The following ZNG1E variants were observed in gnomAD, a reference collection of about 807,000 sequenced individuals.
ZNG1E encodes zinc-regulated GTPase metalloprotein activator 1E.
At chr9:65,673,938 T>C in the ZNG1E span, among the ~76,000 whole-genome samples, 1 of 152,294 alleles carries the variant, frequency 6.6e-6, no homozygotes, top group Non-Finnish European at 1.5e-5. Context: ...AGTAATGCAG[T>C]GCTGAAGGGA....
the ZNG1E span, among the ~76,000 whole-genome samples, chr9:65,716,309 C>T: frequency 3.1e-5 from 4 of 128,834 alleles, no homozygotes; most frequent in Non-Finnish European, 6.4e-5. Context: ...CATGTGTCAC[C>T]ATGCCTGACT....
At chr9:65,668,557 G>T in the ZNG1E span, among the ~76,000 whole-genome samples, 3 of 149,496 alleles carry the variant, frequency 2.0e-5, no homozygotes, top group African/African-American at 4.9e-5. Context: ...AAGAAACAAG[G>T]TCTTTCTCTC....
chr9:65,672,228 A>G, the ZNG1E span, among the ~76,000 whole-genome samples: 1 of 151,760 alleles, frequency 6.6e-6, no homozygotes, highest in African/African-American at 2.4e-5. Context: ...TGCTTAACAC[A>G]GTGCCTATCA....
the ZNG1E span, among the ~76,000 whole-genome samples, chr9:65,665,327 C>A: frequency 5.9e-5 from 9 of 152,356 alleles, no homozygotes; most frequent in Admixed American, 4.6e-4. Context: ...TACCCTGCAT[C>A]CCAGCCATGA....
chr9:65,658,657 A>G, the ZNG1E span, among the ~76,000 whole-genome samples: 3 of 149,270 alleles, frequency 2.0e-5, no homozygotes, highest in Non-Finnish European at 3.0e-5. Context: ...CCGATATATT[A>G]GTTTGCTAGA....
the ZNG1E span, among the ~76,000 whole-genome samples, chr9:65,684,421 A>C: frequency 1.3e-5 from 2 of 152,180 alleles, no homozygotes; most frequent in Non-Finnish European, 2.9e-5. Context: ...CCATAATCCC[A>C]GCTACTCAGG....
At chr9:65,663,064 T>C in the ZNG1E span, among the ~76,000 whole-genome samples, 1 of 152,240 alleles carries the variant, frequency 6.6e-6, no homozygotes, top group South Asian at 2.1e-4. Flanking sequence ...ACCAGCCAGG[T>C]AGGGCAAAGG....
chr9:65,663,062 G>C, the ZNG1E span, among the ~76,000 whole-genome samples: 3,541 of 151,738 alleles, frequency 0.023, no homozygotes, highest in African/African-American at 0.041. Flanking sequence ...ACACCAGCCA[G>C]GTAGGGCAAA....
chr9:65,687,792 C>T, the ZNG1E span, among the ~76,000 whole-genome samples: 3 of 136,500 alleles, frequency 2.2e-5, no homozygotes, highest in African/African-American at 7.4e-5. Flanking sequence ...TCCTTGAAGG[C>T]ACTTTTTTTT....
the ZNG1E span, among the ~76,000 whole-genome samples, chr9:65,717,254 A>G: frequency 3.3e-5 from 5 of 149,994 alleles, no homozygotes; most frequent in Admixed American, 2.7e-4. Context: ...ATTTTGAAAT[A>G]ACTGTTCCTC....
the ZNG1E span, among the ~76,000 whole-genome samples, chr9:65,684,918 G>A: frequency 6.6e-6 from 1 of 152,180 alleles, no homozygotes; most frequent in Non-Finnish European, 1.5e-5. Context: ...GGCCGGGTGT[G>A]ATGTGACAGG....
the ZNG1E span, among the ~76,000 whole-genome samples, chr9:65,660,129 G>A: frequency 7.8e-6 from 1 of 128,206 alleles, no homozygotes; most frequent in African/African-American, 3.3e-5. Flanking sequence ...TCTGCAGCAA[G>A]ATCCCTGAGC....
chr9:65,706,952 A>G, the ZNG1E span: 2 of 134,164 alleles, frequency 1.5e-5, 1 homozygote, highest in Admixed American at 1.5e-4. Flanking sequence ...ACAAACTTGG[A>G]GGGAAACTTC....
chr9:65,662,493 G>A, the ZNG1E span, among the ~76,000 whole-genome samples: 1 of 152,128 alleles, frequency 6.6e-6, no homozygotes, highest in Non-Finnish European at 1.5e-5. Flanking sequence ...ATTCAGGAAA[G>A]CACAGTGAAG....
At chr9:65,722,545 GGAGTCTCACTCCGGCTA>G in the ZNG1E span, among the ~76,000 whole-genome samples, 1 of 71,952 alleles carries the variant, frequency 1.4e-5, no homozygotes, top group Admixed American at 1.9e-4. Flanking sequence ...TTTTTGAGAC[GGAGTCTCACTCCGGCTA>G]GAGTCTCACC....
the ZNG1E span, among the ~76,000 whole-genome samples, chr9:65,684,760 A>T: frequency 1.2e-4 from 18 of 152,298 alleles, no homozygotes; most frequent in African/African-American, 4.1e-4. Flanking sequence ...GTTTTTAATA[A>T]GCCCTTCAGG....
At chr9:65,674,144 C>G in the ZNG1E span, among the ~76,000 whole-genome samples, 2 of 146,790 alleles carry the variant, frequency 1.4e-5, no homozygotes, top group African/African-American at 2.5e-5. Context: ...AACCATCACG[C>G]CTAAGGTATT....
At chr9:65,719,929 A>C in the ZNG1E span, 1 of 1,363,646 alleles carries the variant, frequency 7.3e-7, no homozygotes, top group Non-Finnish European at 1.0e-6. Context: ...GGAATTACAG[A>C]ATATTAGAAT....
the ZNG1E span, among the ~76,000 whole-genome samples, chr9:65,714,474 T>C: frequency 6.6e-6 from 1 of 151,184 alleles, no homozygotes; most frequent in Non-Finnish European, 1.5e-5. Context: ...TTTTAGAGTT[T>C]CCAGGTTTTC....
Sources: gnomAD v4.1 joint callset for allele counts (sites outside exome capture counted in the v4.1 genomes callset) on GRCh38, gnomAD v4.1.1 for gene constraint, MANE v1.5 for transcripts, NCBI Gene and HGNC (gene_info 2026-07-23, HGNC 2026-07-21) for gene names.